The following RNF170 variants were observed in gnomAD, a reference collection of about 807,000 sequenced individuals.
The protein encoded by RNF170 is ring finger protein 170.
In RNF170, 12 loss-of-function variants were observed where a neutral mutation model predicts 32.7. The ratio of observed to expected loss-of-function variants is 0.37; its 90% CI spans 0.24 to 0.60. The LOEUF is 0.60. Ranked by LOEUF, RNF170 falls within the 20% of genes least tolerant of loss-of-function variation. RNF170 has a pLI of 0.72. For missense variants in RNF170, 212 were observed against 311.2 expected (o/e 0.68, Z 2.40); for synonymous variants, 91 against 103.6 (o/e 0.88, Z 0.74).
chr8:42,865,530 T>G, intron 4 of RNF170, 41 bp from the exon 5 acceptor site: 3 of 1,400,916 alleles, frequency 2.1e-6, no homozygotes, highest in Non-Finnish European at 3.0e-6. Flanking sequence ...CCATTAATAT[T>G]GATGTTTTAA....
At chr8:42,850,894 G>A, downstream of RNF170, 1 of 1,551,708 alleles carries the variant, frequency 6.4e-7, no homozygotes, top group Non-Finnish European at 8.7e-7. Flanking sequence ...CTGAGGCCCT[G>A]ACCTGCATCC....
chr8:42,887,752 G>A lies in RNF170; in HGVS notation c.113C>T (p.Ala38Val), dbSNP rs148611952. 1.3e-3 allele frequency: 2,170 copies of A among 1,614,030 alleles called. 6 individuals carry two copies. Among genetic ancestry groups the A allele is most frequent in the South Asian group, 5.9e-3 (535 of 91,080 alleles). ...VAVVVSFALI[A>V]TLVYALFRNV... ...CCTGAAAAGTGCATATACCAGGGTA[G>A]CAATCAAAGCGAAACTGACCACAAC... Residue 38 changes from alanine (A) to valine (V), a missense_variant, in exon 2 of 7, where the codon GCT becomes GTT. Coordinates refer to ENST00000527424, the MANE Select transcript of RNF170 (RefSeq NM_030954.4).
At position 42,874,480 on chromosome 8, in the gene RNF170, C is replaced by T. The variant is rs577989256; in HGVS notation, c.138-474G>A. On this transcript the variant is annotated intron_variant, in intron 2 of 6. Coordinates refer to ENST00000527424, the MANE Select transcript of RNF170 (RefSeq NM_030954.4). ...ACTTGGCCGAGTGTGGTGGCTCATG[C>T]CTGTAATCCCAGCACTTTCGGAGGC... Among the ~76,000 whole-genome samples the T allele has an allele frequency of 6.0e-4, 91 of 152,280 alleles. 1 individual carries two copies. In the South Asian group the frequency reaches 0.017, roughly 29 times the overall value.
chr8:42,897,022 G>C, upstream of RNF170: 1 of 770,792 alleles, frequency 1.3e-6, no homozygotes, highest in Non-Finnish European at 1.8e-6. Flanking sequence ...CCGGATCCGA[G>C]GAGCAGGCGG....
intron 2 of RNF170, among the ~76,000 whole-genome samples, chr8:42,877,169 G>A (rs575085528): frequency 3.4e-4 from 51 of 151,526 alleles, no homozygotes; most frequent in African/African-American, 9.2e-4. Flanking sequence ...CTCGTGATCC[G>A]CCTGCCTCGG....
chr8:42,880,614 A>C (rs1423119096), intron 2 of RNF170, among the ~76,000 whole-genome samples: 1 of 152,194 alleles, frequency 6.6e-6, no homozygotes. Flanking sequence ...TATTAAAAAT[A>C]CAAAAATTAG....
chr8:42,858,385 G>A (rs538724656), intron 6 of RNF170, among the ~76,000 whole-genome samples: 10 of 152,300 alleles, frequency 6.6e-5, no homozygotes, highest in Non-Finnish European at 1.2e-4. Context: ...CATCTGAATA[G>A]CTTAATATAT....
rs368405411 is a variant in RNF170, at chr8:42,857,647, C to A, written c.508-1219G>T. On this transcript the variant is annotated intron_variant, in intron 6 of 6. Transcript: ENST00000527424. ...AAATGCCTTTTTTATATTATAATTTCATCACATACCAGGCTTTCTTACTCA... is the reference window on the plus strand; with the variant it reads ...AAATGCCTTTTTTATATTATAATTTAATCACATACCAGGCTTTCTTACTCA... Among the ~76,000 whole-genome samples, 18 of 152,294 alleles carry A rather than the reference C, an allele frequency of 1.2e-4. No individual in the cohort carries two copies. The East Asian group carries it at 1.5e-3, about 13-fold the overall frequency.
chr8:42,868,957 C>A (rs930552912), intron 4 of RNF170, among the ~76,000 whole-genome samples: 2 of 152,090 alleles, frequency 1.3e-5, no homozygotes, highest in African/African-American at 4.8e-5. Flanking sequence ...GCTGCCCATG[C>A]TGGAGTGCAG....
At chr8:42,863,007 TGG>T (rs1178425425) in intron 5 of RNF170, among the ~76,000 whole-genome samples, 12 of 152,088 alleles carry the variant, frequency 7.9e-5, no homozygotes, top group Non-Finnish European at 1.6e-4. Flanking sequence ...GAGCCAAACC[TGG>T]AAATGGTGGT....
At chr8:42,871,112 A>T (rs1240517191) in intron 3 of RNF170, among the ~76,000 whole-genome samples, 2 of 151,968 alleles carry the variant, frequency 1.3e-5, no homozygotes, top group African/African-American at 4.8e-5. Flanking sequence ...CGGGAGGGTG[A>T]GGTGGGAGAA....
chr8:42,863,453 A>AT (rs1031126803), intron 5 of RNF170, among the ~76,000 whole-genome samples: 2 of 151,322 alleles, frequency 1.3e-5, no homozygotes, highest in East Asian at 3.9e-4. Flanking sequence ...TAAAAAAAAA[A>AT]TTTTTTTTTG....
At chr8:42,883,483 C>A (rs572861821) in intron 2 of RNF170, among the ~76,000 whole-genome samples, 6 of 145,020 alleles carry the variant, frequency 4.1e-5, no homozygotes, top group Non-Finnish European at 9.0e-5. Context: ...GCAGAAGAAT[C>A]GCTTGAACCC....
Position 42,854,264 on chromosome 8 carries a change from T to C in RNF170, c.*1895A>G. The C allele has an allele frequency of 7.8e-7, 1 of 1,287,224 alleles. No individual in the cohort carries two copies. Among genetic ancestry groups the C allele is most frequent in the South Asian group, 1.2e-5 (1 of 80,942 alleles). 79.7% of individuals were successfully genotyped at this position (1,287,224 alleles called of 1,614,324 possible). Reference sequence around the variant, plus strand: ...ACGAAAGACTTCCAAAGAACCAGTTTCTCTCTTGCTGTTCCTCTTAACAAC... The same window carrying C: ...ACGAAAGACTTCCAAAGAACCAGTTCCTCTCTTGCTGTTCCTCTTAACAAC... On this transcript the variant is annotated 3_prime_UTR_variant, in exon 7 of 7. Transcript: ENST00000527424.
At chr8:42,876,385 CT>C (rs1804932647) in intron 2 of RNF170, among the ~76,000 whole-genome samples, 1 of 151,676 alleles carries the variant, frequency 6.6e-6, no homozygotes, top group African/African-American at 2.4e-5. Context: ...GAGACAAAAC[CT>C]TTGGGAGGTA....
At chr8:42,871,701 A>G (rs1804535414) in intron 3 of RNF170, among the ~76,000 whole-genome samples, 1 of 151,972 alleles carries the variant, frequency 6.6e-6, no homozygotes, top group East Asian at 1.9e-4. Context: ...CCTCTGGAGT[A>G]GCTGGGATTA....
At chr8:42,893,043 C>G (rs935915350) in intron 1 of RNF170, among the ~76,000 whole-genome samples, 1 of 152,074 alleles carries the variant, frequency 6.6e-6, no homozygotes, top group Non-Finnish European at 1.5e-5. Flanking sequence ...AAAAATACCA[C>G]AGGTACCCCA....
At chr8:42,887,641 G>T (rs1185812668) in intron 2 of RNF170, 87 bp downstream of exon 2, 4 of 1,196,282 alleles carry the variant, frequency 3.3e-6, no homozygotes, top group Non-Finnish European at 5.0e-6. Flanking sequence ...GTTACTTGCT[G>T]TTCATATTAA....
chr8:42,890,338 C>T (rs557980147), intron 1 of RNF170, among the ~76,000 whole-genome samples: 354 of 149,956 alleles, frequency 2.4e-3, no homozygotes, highest in African/African-American at 8.5e-3. Context: ...AGTGCAGCAA[C>T]GCGATCTCGG....
Sources: allele counts gnomAD v4.1 joint callset (sites outside exome capture counted in the v4.1 genomes callset), GRCh38; gene constraint gnomAD v4.1.1; transcripts MANE v1.5; gene names NCBI Gene and HGNC (gene_info 2026-07-23, HGNC 2026-07-21).